The following FBXL14 variants were observed in gnomAD, a reference collection of about 807,000 sequenced individuals.
FBXL14 encodes the protein F-box and leucine rich repeat protein 14.
In FBXL14, 11 loss-of-function variants were observed where a neutral mutation model predicts 24.5. That is an observed-to-expected ratio of 0.45 (90% CI 0.28 to 0.74). The LOEUF (loss-of-function observed/expected upper bound fraction) is 0.74. Ranked by LOEUF, FBXL14 falls within the 30% of genes least tolerant of loss-of-function variation. FBXL14 has a pLI of 0.12. For missense variants in FBXL14, 384 were observed against 545.6 expected (o/e 0.70, Z 2.95); for synonymous variants, 294 against 240.4 (o/e 1.22, Z -2.06).
intron 1 of FBXL14, among the ~76,000 whole-genome samples, chr12:1,590,985 A>G (rs2094488317): frequency 6.6e-6 from 1 of 152,196 alleles, no homozygotes; most frequent in Non-Finnish European, 1.5e-5. Context: ...ACTTTTCAAC[A>G]TCACCTCTAG....
intron 1 of FBXL14, among the ~76,000 whole-genome samples, chr12:1,591,538 T>C (rs1037423373): frequency 1.3e-5 from 2 of 152,184 alleles, no homozygotes; most frequent in Non-Finnish European, 2.9e-5. Context: ...TGCATGTTGC[T>C]GTGGAGGGTT....
chr12:1,589,720 C>T (rs1279567674), intron 1 of FBXL14, among the ~76,000 whole-genome samples: 1 of 152,156 alleles, frequency 6.6e-6, no homozygotes, highest in Admixed American at 6.5e-5. Flanking sequence ...GAGCAGTTGA[C>T]CTTCACTAAC....
At chr12:1,586,819 T>C (rs933207701) in intron 1 of FBXL14, among the ~76,000 whole-genome samples, 6 of 152,216 alleles carry the variant, frequency 3.9e-5, no homozygotes, top group African/African-American at 1.4e-4. Flanking sequence ...CACTTGGGTT[T>C]CTCTGCTGCG....
In FBXL14 at chr12:1,567,791, T is replaced by C. The variant is rs553798712; in HGVS notation, c.1195-981A>G. 4.6e-5 allele frequency among the ~76,000 whole-genome samples: 7 copies of C among 152,344 alleles called. No individual in the cohort carries two copies. The highest frequency in any genetic ancestry group is 1.7e-4 in the African/African-American group (7 of 41,566). ...GATGGGCTTTGATGGATTTGTGGAC[T>C]GGACACAGCTGAGGAGAGGATCTCT... On this transcript the variant is annotated intron_variant, in intron 1 of 1. Coordinates refer to ENST00000339235, the MANE Select transcript of FBXL14 (RefSeq NM_152441.3). The surrounding 1 kb of genome is among the most constrained non-coding windows in gnomAD (Gnocchi z 4.8).
chr12:1,584,944 C>T (rs71454831), intron 1 of FBXL14, among the ~76,000 whole-genome samples: 2,525 of 152,284 alleles, frequency 0.017, 35 homozygotes, highest in Middle Eastern at 0.065. Context: ...GGGGCGTTTG[C>T]GGGCTTAACT....
intron 1 of FBXL14, among the ~76,000 whole-genome samples, chr12:1,582,601 C>T (rs1187120168): frequency 1.3e-5 from 2 of 152,178 alleles, no homozygotes; most frequent in Non-Finnish European, 2.9e-5. Context: ...TTTCATAAGA[C>T]CTTCACGGAT....
At chr12:1,576,161 G>A (rs1440914781) in intron 1 of FBXL14, among the ~76,000 whole-genome samples, 1 of 152,110 alleles carries the variant, frequency 6.6e-6, no homozygotes, top group Admixed American at 6.6e-5. Context: ...GATTTAAATC[G>A]TCATTTAAAT....
chr12:1,585,635 G>A lies in FBXL14; in HGVS notation c.1194+7238C>T, dbSNP rs1442512423. ...CAGTGTCTCAGATCCATGATGTAAGGAGTAATTGTTGACACCCCACTGTGT... is the reference window on the plus strand; with the variant it reads ...CAGTGTCTCAGATCCATGATGTAAGAAGTAATTGTTGACACCCCACTGTGT... On this transcript the variant is annotated intron_variant, in intron 1 of 1. Transcript: ENST00000339235. 2.0e-5 allele frequency among the ~76,000 whole-genome samples: 3 copies of A among 152,168 alleles called. 1 individual carries two copies. The highest frequency in any genetic ancestry group is 4.4e-5 in the Non-Finnish European group (3 of 68,026).
chr12:1,570,259 G>T (rs2094443148), intron 1 of FBXL14, among the ~76,000 whole-genome samples: 1 of 152,194 alleles, frequency 6.6e-6, no homozygotes, highest in Non-Finnish European at 1.5e-5. Context: ...AATCAAGAGT[G>T]GGTTATCACA....
Position 1,569,739 on chromosome 12 carries a change from C to T in FBXL14, c.1195-2929G>A, listed in dbSNP as rs1030548349. Among the ~76,000 whole-genome samples the T allele has an allele frequency of 2.0e-5, 3 of 152,312 alleles. No homozygotes were observed. The highest frequency in any genetic ancestry group is 1.3e-4 in the Admixed American group (2 of 15,300). ...ATGGCTGTTGAGCATAGCTCATCCTCGAAGTTTGTTTAATGCTCATTTTAT... is the reference window on the plus strand; with the variant it reads ...ATGGCTGTTGAGCATAGCTCATCCTTGAAGTTTGTTTAATGCTCATTTTAT... On this transcript the variant is annotated intron_variant, in intron 1 of 1. Coordinates refer to ENST00000339235, the MANE Select transcript of FBXL14 (RefSeq NM_152441.3). The surrounding 1 kb of genome is among the most constrained non-coding windows in gnomAD (Gnocchi z 4.2).
intron 1 of FBXL14, among the ~76,000 whole-genome samples, chr12:1,578,732 G>A (rs1284958688): frequency 6.6e-6 from 1 of 152,116 alleles, no homozygotes; most frequent in Non-Finnish European, 1.5e-5. Flanking sequence ...AAATAACGAT[G>A]ATAAGCAAAG....
intron 1 of FBXL14, among the ~76,000 whole-genome samples, chr12:1,585,090 T>C (rs1344293079): frequency 6.6e-6 from 1 of 152,168 alleles, no homozygotes; most frequent in Non-Finnish European, 1.5e-5. Flanking sequence ...AGCCTTGCCT[T>C]GGGCTAGAAA....
rs58613363 is a variant in FBXL14 at position 1,583,722 on chromosome 12, T to C, written c.1194+9151A>G. Among the ~76,000 whole-genome samples, 1,115 of 152,342 alleles carry C rather than the reference T, an allele frequency of 7.3e-3. 11 individuals carry two copies. The highest frequency in any genetic ancestry group is 0.025 in the African/African-American group (1,021 of 41,560). ...ACTTCGTGGATTTCTCCACTTTCTG[T>C]CTTCCACAGTGGAGGACATTTAGTT... is the stretch of plus-strand genomic sequence containing the variant. On this transcript the variant is annotated intron_variant, in intron 1 of 1. Transcript: ENST00000339235.
intron 1 of FBXL14, among the ~76,000 whole-genome samples, chr12:1,576,307 C>T (rs1288821269): frequency 2.0e-5 from 3 of 152,046 alleles, no homozygotes; most frequent in South Asian, 2.1e-4. Context: ...GCGTGGGGGC[C>T]GGCAGTGTCA....
At chr12:1,580,848 G>A (rs2094464856) in intron 1 of FBXL14, among the ~76,000 whole-genome samples, 1 of 152,204 alleles carries the variant, frequency 6.6e-6, no homozygotes, top group South Asian at 2.1e-4. Context: ...GAAGGTGTTT[G>A]CAGCCACTTG....
chr12:1,590,198 A>G (rs900275232), intron 1 of FBXL14, among the ~76,000 whole-genome samples: 9 of 151,970 alleles, frequency 5.9e-5, no homozygotes, highest in African/African-American at 1.9e-4. Context: ...AAAGAGATCC[A>G]CACCTTCCCC....
At position 1,574,661 on chromosome 12, in the gene FBXL14, G is replaced by A. The variant is rs2154437839; in HGVS notation, c.1195-7851C>T. ...GGATCTGAAGTTCAAGTTCTCAAAT[G>A]CTCCAGATCCTCAGTGTTCAAGAAC... is the stretch of plus-strand genomic sequence containing the variant. On this transcript the variant is annotated intron_variant, in intron 1 of 1. Transcript: ENST00000339235. 1.6e-5 allele frequency: 3 copies of A among 187,672 alleles called. No homozygotes were observed. In the South Asian group the frequency reaches 2.8e-4, roughly 17 times the overall value. The allele number at this position is 187,672 out of a possible 1,614,324, so 11.6% of individuals were successfully genotyped here. A position where few individuals can be genotyped will look rare whatever the true frequency, so the allele number is the denominator to read the frequency against.
chr12:1,572,852 AG>A (rs34624377), intron 1 of FBXL14, among the ~76,000 whole-genome samples: 100,414 of 151,788 alleles, frequency 0.66, 33,965 homozygotes, highest in East Asian at 0.83. Flanking sequence ...GTGGCGGTGG[AG>A]GGGGGATGGA....
chr12:1,582,110 A>T (rs1044975929), intron 1 of FBXL14, among the ~76,000 whole-genome samples: 5 of 151,166 alleles, frequency 3.3e-5, no homozygotes, highest in Non-Finnish European at 7.4e-5. Flanking sequence ...TGAGCAACAG[A>T]GTGACTCTGT....
Sources: gnomAD v4.1 joint callset for allele counts (sites outside exome capture counted in the v4.1 genomes callset) on GRCh38, gnomAD v4.1.1 for gene constraint, Gnocchi (gnomAD v3.1) non-coding constraint, MANE v1.5 for transcripts, NCBI Gene and HGNC (gene_info 2026-07-23, HGNC 2026-07-21) for gene names.